KCNAB1: variants seen among roughly 807,000 people sequenced by gnomAD.
KCNAB1 encodes the protein potassium voltage-gated channel subfamily A regulatory beta subunit 1, also known as voltage-gated potassium channel subunit beta-1.
A neutral mutation model predicts 64.6 loss-of-function variants in KCNAB1; 35 were observed. The ratio of observed to expected loss-of-function variants is 0.54; its 90% CI spans 0.41 to 0.72. The LOEUF (loss-of-function observed/expected upper bound fraction) is 0.72. Ranked by LOEUF, KCNAB1 falls within the 30% of genes least tolerant of loss-of-function variation. The pLI is 0.00. For synonymous variants in KCNAB1, 177 were observed against 183.8 expected, an observed-to-expected ratio of 0.96 and a Z score of 0.30; for missense variants, 401 against 512.9, an observed-to-expected ratio of 0.78 and a Z score of 2.11.
chr3:156,337,374 GTTC>G (rs1352349133), intron 1 of KCNAB1, among the ~76,000 whole-genome samples: 1 of 152,116 alleles, frequency 6.6e-6, no homozygotes, highest in Non-Finnish European at 1.5e-5. Context: ...CTTGTTTCAT[GTTC>G]TTTTTTCCCC....
At chr3:156,495,118 T>A (rs901548567) in intron 8 of KCNAB1, among the ~76,000 whole-genome samples, 2 of 152,116 alleles carry the variant, frequency 1.3e-5, no homozygotes, top group African/African-American at 4.8e-5. Context: ...TAAGAACACA[T>A]GGTATTTGGT....
At chr3:156,138,239 T>C (rs1714486554) in intron 1 of KCNAB1, among the ~76,000 whole-genome samples, 1 of 152,220 alleles carries the variant, frequency 6.6e-6, no homozygotes, top group Non-Finnish European at 1.5e-5. Context: ...TGAAGGCAGA[T>C]GTCTCACAGC....
chr3:156,150,318 A>C (rs1715329482), intron 1 of KCNAB1, among the ~76,000 whole-genome samples: 1 of 152,234 alleles, frequency 6.6e-6, no homozygotes, highest in Non-Finnish European at 1.5e-5. Flanking sequence ...AAATGCTTAG[A>C]ATTTAAGCAA....
At chr3:156,244,016 C>T (rs561417133) in intron 1 of KCNAB1, among the ~76,000 whole-genome samples, 7 of 152,334 alleles carry the variant, frequency 4.6e-5, no homozygotes, top group Admixed American at 4.6e-4. Flanking sequence ...GCCAAACATC[C>T]AGTCTTTCTG....
chr3:156,223,659 C>T (rs1715940644), intron 1 of KCNAB1, among the ~76,000 whole-genome samples: 1 of 152,106 alleles, frequency 6.6e-6, no homozygotes, highest in South Asian at 2.1e-4. Flanking sequence ...CTCCAAGTTC[C>T]CACCAGATCA....
rs1470759313 is a variant in KCNAB1, at chr3:156,474,803, G to A, written c.641G>A (p.Ser214Asn). The A allele has an allele frequency of 1.2e-6, 2 of 1,612,614 alleles. No homozygotes were observed. The highest frequency in any genetic ancestry group is 3.3e-5 in the Admixed American group (2 of 59,950). ...VDVVFANRPD[S>N]NTPMEEIVRA... ...GTGGTCTTTGCAAATCGACCGGACA[G>A]TAACACTCCCATGGAAGGTAAGTTA... is the stretch of plus-strand genomic sequence containing the variant. The change falls in exon 8 of 14, where the codon AGT becomes AAT. Residue 214 changes from serine (S) to asparagine (N), a missense_variant. Physicochemically the swap from Ser to Asn is conservative, Grantham distance 46 (BLOSUM62 1). Coordinates refer to ENST00000490337, the MANE Select transcript of KCNAB1 (RefSeq NM_172160.3).
At chr3:156,262,073 C>T (rs1718464345) in intron 1 of KCNAB1, among the ~76,000 whole-genome samples, 1 of 151,760 alleles carries the variant, frequency 6.6e-6, no homozygotes, top group Non-Finnish European at 1.5e-5. Flanking sequence ...TTGTTAAATT[C>T]ATTTATTCTA....
chr3:156,339,570 G>A (rs1021970876), intron 1 of KCNAB1, among the ~76,000 whole-genome samples: 1 of 152,192 alleles, frequency 6.6e-6, no homozygotes, highest in African/African-American at 2.4e-5. Flanking sequence ...TATGGCCTCT[G>A]CTCACAACTT....
intron 1 of KCNAB1, among the ~76,000 whole-genome samples, chr3:156,320,907 C>G (rs1407145544): frequency 7.0e-6 from 1 of 141,956 alleles, no homozygotes; most frequent in Non-Finnish European, 1.5e-5. Flanking sequence ...GCTTGCTTGT[C>G]TACTTTTTTT....
intron 1 of KCNAB1, among the ~76,000 whole-genome samples, chr3:156,255,615 G>A (rs567822508): frequency 6.6e-6 from 1 of 152,124 alleles, no homozygotes; most frequent in African/African-American, 2.4e-5. Flanking sequence ...AGTACTTCAT[G>A]TATCCATGTC....
intron 1 of KCNAB1, among the ~76,000 whole-genome samples, chr3:156,170,149 G>A (rs192730040): frequency 6.6e-6 from 1 of 152,090 alleles, no homozygotes; most frequent in Admixed American, 6.5e-5. Context: ...AGAGGAATTA[G>A]GATCAATTGA....
chr3:156,240,415 G>A (rs577103273), intron 1 of KCNAB1, among the ~76,000 whole-genome samples: 35 of 151,688 alleles, frequency 2.3e-4, no homozygotes, highest in African/African-American at 5.8e-4. Context: ...TTAAAATGAC[G>A]TAAAGAGTTT....
At chr3:156,185,189 G>A (rs1577685430) in intron 1 of KCNAB1, among the ~76,000 whole-genome samples, 1 of 152,144 alleles carries the variant, frequency 6.6e-6, no homozygotes, top group East Asian at 1.9e-4. Context: ...CTTTAGCAAA[G>A]CTCTTCCCCA....
intron 13 of KCNAB1, among the ~76,000 whole-genome samples, chr3:156,535,699 AACC>A (rs1242285658): frequency 6.6e-6 from 1 of 152,150 alleles, no homozygotes; most frequent in Non-Finnish European, 1.5e-5. Context: ...TCAGTCTTGA[AACC>A]ACCATCTTCC....
intron 1 of KCNAB1, among the ~76,000 whole-genome samples, chr3:156,410,067 C>A (rs1331891196): frequency 6.6e-6 from 1 of 152,134 alleles, no homozygotes; most frequent in Admixed American, 6.5e-5. Context: ...AAACCAAAAC[C>A]AATGTTCTGG....
chr3:156,346,079 T>C (rs921375303), intron 1 of KCNAB1, among the ~76,000 whole-genome samples: 1 of 151,756 alleles, frequency 6.6e-6, no homozygotes, highest in Admixed American at 6.6e-5. Context: ...GTGTAAGTTT[T>C]CCGTGTTCAT....
At chr3:156,390,932 C>A (rs374675712) in intron 1 of KCNAB1, among the ~76,000 whole-genome samples, 1 of 152,038 alleles carries the variant, frequency 6.6e-6, no homozygotes, top group African/African-American at 2.4e-5. Flanking sequence ...CCCACTCTTC[C>A]CAGTTGCGAG....
At chr3:156,351,122 T>C (rs1724832439) in intron 1 of KCNAB1, among the ~76,000 whole-genome samples, 1 of 152,268 alleles carries the variant, frequency 6.6e-6, no homozygotes, top group Non-Finnish European at 1.5e-5. Context: ...AAAGATATCA[T>C]AAGAAAGACT....
chr3:156,173,336 A>G (rs1182080777), intron 1 of KCNAB1, among the ~76,000 whole-genome samples: 1 of 152,220 alleles, frequency 6.6e-6, no homozygotes, highest in Admixed American at 6.5e-5. Context: ...AGGGTGTAAT[A>G]AGACAATGGG....
Sources: allele counts gnomAD v4.1 joint callset (sites outside exome capture counted in the v4.1 genomes callset), GRCh38; gene constraint gnomAD v4.1.1; transcripts MANE v1.5; gene names NCBI Gene and HGNC (gene_info 2026-07-23, HGNC 2026-07-21).